Variants in MACROD2 observed in about 807,000 individuals in gnomAD.
MACROD2 encodes the protein ADP-ribose glycohydrolase MACROD2.
In MACROD2, 36 loss-of-function variants were observed where a neutral mutation model predicts 70.4. The ratio of observed to expected loss-of-function variants is 0.51; its 90% CI spans 0.39 to 0.68. MACROD2 has a LOEUF of 0.68. Among genes scored for constraint, MACROD2 ranks in the 30% least tolerant of loss-of-function variants. The probability of loss-of-function intolerance (pLI) is 0.00; values close to 1 mark genes in which losing one functional copy is unlikely to be tolerated. For synonymous variants in MACROD2, 172 were observed against 178.8 expected (o/e 0.96, Z 0.30); for missense variants, 496 against 538.4 (o/e 0.92, Z 0.78).
At chr20:14,888,246 C>T (rs1388011178) in intron 5 of MACROD2, 1 of 152,288 alleles carries the variant, frequency 6.6e-6, no homozygotes, top group Non-Finnish European at 1.5e-5. Context: ...GGATGCTCCA[C>T]AGCCAGCTTT....
chr20:14,846,749 C>A (rs2073145989), intron 5 of MACROD2, among the ~76,000 whole-genome samples: 1 of 151,034 alleles, frequency 6.6e-6, no homozygotes, highest in Non-Finnish European at 1.5e-5. Context: ...GATCTCCTGA[C>A]CTTGTGATCC....
intron 5 of MACROD2, among the ~76,000 whole-genome samples, chr20:15,074,885 A>G (rs956543689): frequency 6.6e-6 from 1 of 152,192 alleles, no homozygotes; most frequent in African/African-American, 2.4e-5. Flanking sequence ...AGGCACTGCA[A>G]GCGATACACA....
intron 5 of MACROD2, among the ~76,000 whole-genome samples, chr20:15,106,706 AG>A (rs2075913569): frequency 6.6e-6 from 1 of 152,124 alleles, no homozygotes; most frequent in Non-Finnish European, 1.5e-5. Context: ...TCTTCTGGAT[AG>A]TGCTGCCCTA....
chr20:14,192,388 A>T (rs530878459), intron 3 of MACROD2, among the ~76,000 whole-genome samples: 3 of 152,158 alleles, frequency 2.0e-5, no homozygotes, highest in Non-Finnish European at 2.9e-5. Flanking sequence ...AACATCCAAG[A>T]GGAGAAGGTT....
At chr20:15,349,622 G>A (rs1568739842) in intron 6 of MACROD2, among the ~76,000 whole-genome samples, 1 of 151,902 alleles carries the variant, frequency 6.6e-6, no homozygotes, top group African/African-American at 2.4e-5. Flanking sequence ...TGGGCATGGG[G>A]GCACACTCCT....
intron 3 of MACROD2, among the ~76,000 whole-genome samples, chr20:14,314,997 T>C (rs1164130941): frequency 1.3e-5 from 2 of 152,142 alleles, no homozygotes; most frequent in South Asian, 4.1e-4. Context: ...GTCTGTCTAA[T>C]TCAAAGATAA....
intron 5 of MACROD2, among the ~76,000 whole-genome samples, chr20:15,046,688 C>T (rs537341324): frequency 2.0e-5 from 3 of 152,328 alleles, no homozygotes; most frequent in African/African-American, 7.2e-5. Flanking sequence ...CCCCCTTCTT[C>T]TCCATTCCAG....
chr20:15,461,490 C>G (rs2146414946), intron 7 of MACROD2, among the ~76,000 whole-genome samples: 1 of 152,218 alleles, frequency 6.6e-6, no homozygotes, highest in South Asian at 2.1e-4. Context: ...TTAATAAGCA[C>G]TTAACAAGGA....
At chr20:15,381,716 C>A (rs1001833105) in intron 6 of MACROD2, among the ~76,000 whole-genome samples, 4 of 152,002 alleles carry the variant, frequency 2.6e-5, no homozygotes, top group Non-Finnish European at 4.4e-5. Flanking sequence ...CCTTGTCTGG[C>A]TGTTCTAAGA....
chr20:14,174,180 G>A (rs1374392975), intron 3 of MACROD2, among the ~76,000 whole-genome samples: 4 of 152,216 alleles, frequency 2.6e-5, no homozygotes, highest in African/African-American at 9.6e-5. Flanking sequence ...TAGGGTTGCC[G>A]TTGGATAAGT....
intron 5 of MACROD2, among the ~76,000 whole-genome samples, chr20:14,743,128 T>A (rs1393989864): frequency 7.3e-6 from 1 of 137,742 alleles, no homozygotes; most frequent in East Asian, 1.9e-4. Flanking sequence ...CTCAAATGTA[T>A]TTTTTTAAAA....
intron 5 of MACROD2, among the ~76,000 whole-genome samples, chr20:15,170,694 A>G (rs1158470158): frequency 6.6e-6 from 1 of 152,114 alleles, no homozygotes; most frequent in East Asian, 1.9e-4. Context: ...AAGTTGGGGG[A>G]CTCTGGGAAA....
At chr20:14,693,260 A>G (rs1161974884) in intron 5 of MACROD2, among the ~76,000 whole-genome samples, 1 of 152,222 alleles carries the variant, frequency 6.6e-6, no homozygotes, top group Admixed American at 6.5e-5. Flanking sequence ...ACTGTTGTAC[A>G]GGGATAATCA....
At chr20:15,206,165 G>A (rs941394690) in intron 5 of MACROD2, among the ~76,000 whole-genome samples, 7 of 152,050 alleles carry the variant, frequency 4.6e-5, no homozygotes, top group African/African-American at 1.4e-4. Context: ...AAACTACGTG[G>A]TTTAGGTATA....
chr20:14,685,068 G>T (rs1333415051), intron 5 of MACROD2, 109 bp downstream of exon 5: 1 of 830,822 alleles, frequency 1.2e-6, no homozygotes, highest in Non-Finnish European at 2.0e-6. Context: ...AATTAAATGT[G>T]CTTGAGTTCA....
intron 5 of MACROD2, among the ~76,000 whole-genome samples, chr20:14,982,529 G>A (rs1227371243): frequency 6.6e-6 from 1 of 152,144 alleles, no homozygotes; most frequent in Non-Finnish European, 1.5e-5. Flanking sequence ...CATGCTGTGT[G>A]CAGCCTAGGG....
intron 5 of MACROD2, among the ~76,000 whole-genome samples, chr20:15,131,813 A>G (rs555494436): frequency 1.3e-5 from 2 of 152,136 alleles, no homozygotes; most frequent in East Asian, 1.9e-4. Flanking sequence ...CAAAAGAAAC[A>G]TTACATTTAG....
chr20:15,937,956 A>G lies in MACROD2; in HGVS notation c.907+412A>G, dbSNP rs1478893206. Among the ~76,000 whole-genome samples, 3 of 152,214 alleles carry G rather than the reference A, an allele frequency of 2.0e-5. No individual in the cohort carries two copies. In the East Asian group the frequency reaches 5.8e-4, roughly 29 times the overall value. On this transcript the variant is annotated intron_variant, in intron 12 of 17. Transcript: ENST00000684519. Reference sequence around the variant, plus strand: ...ACCAACCAGGGAGCACCATTTTTCAAAAAAGAAATGTTTGAAAGGCATCCT... The same window carrying G: ...ACCAACCAGGGAGCACCATTTTTCAGAAAAGAAATGTTTGAAAGGCATCCT...
intron 4 of MACROD2, among the ~76,000 whole-genome samples, chr20:14,520,066 A>G (rs2085148316): frequency 6.6e-6 from 1 of 152,154 alleles, no homozygotes; most frequent in Non-Finnish European, 1.5e-5. Context: ...CCTTCTGGAA[A>G]GTGGAGGGAG....
Sources: allele counts gnomAD v4.1 joint callset (sites outside exome capture counted in the v4.1 genomes callset), GRCh38; gene constraint gnomAD v4.1.1; transcripts MANE v1.5; gene names NCBI Gene and HGNC (gene_info 2026-07-23, HGNC 2026-07-21).